GNG7: variants seen among roughly 807,000 people sequenced by gnomAD.
GNG7 encodes the protein guanine nucleotide-binding protein G(I)/G(S)/G(O) subunit gamma-7.
GNG7 carries 1 observed loss-of-function variant against 4.0 expected under a neutral mutation model. The observed-to-expected ratio is 0.25, with a 90% CI of 0.09 to 1.18. The LOEUF is 1.18. Among genes scored for constraint, GNG7 ranks in the 50% most tolerant of loss-of-function variants. GNG7 has a pLI of 0.50. For synonymous variants in GNG7, 34 were observed against 36.9 expected, an observed-to-expected ratio of 0.92 and a Z score of 0.29; for missense variants, 86 against 91.9, an observed-to-expected ratio of 0.94 and a Z score of 0.26.
In GNG7 at chr19:2,614,131, G is replaced by A. The variant is rs928963089; in HGVS notation, c.-78+32093C>T. Reference sequence around the variant, plus strand: ...CGAGACCACATCCTCACCACCCGGTGAACGGCACTGGGAGCAGACTCAAGA... The same window carrying A: ...CGAGACCACATCCTCACCACCCGGTAAACGGCACTGGGAGCAGACTCAAGA... On this transcript the variant is annotated intron_variant, in intron 2 of 4. Transcript: ENST00000382159. The surrounding 1 kb of genome is among the most constrained non-coding windows in gnomAD (Gnocchi z 6.0). Among the ~76,000 whole-genome samples, 2 of 152,206 alleles carry A rather than the reference G, an allele frequency of 1.3e-5. No individual in the cohort carries two copies. Among genetic ancestry groups the A allele is most frequent in the Non-Finnish European group, 2.9e-5 (2 of 68,030 alleles).
chr19:2,530,421 G>GA (rs1388550103), intron 3 of GNG7, among the ~76,000 whole-genome samples: 1 of 122,834 alleles, frequency 8.1e-6, no homozygotes, highest in South Asian at 2.7e-4. Context: ...TCAAAAAAAA[G>GA]AAAAAAAAGC....
intron 1 of GNG7, among the ~76,000 whole-genome samples, chr19:2,654,444 A>G (rs1167833634): frequency 6.6e-6 from 1 of 151,870 alleles, no homozygotes; most frequent in African/African-American, 2.4e-5. Context: ...ACTCTATGCC[A>G]GGAGCACCCC....
chr19:2,674,946 G>A (rs1983558079), intron 1 of GNG7, among the ~76,000 whole-genome samples: 1 of 152,186 alleles, frequency 6.6e-6, no homozygotes, highest in South Asian at 2.1e-4. Flanking sequence ...AGAAAACAAT[G>A]CTCTTTCGTA....
chr19:2,630,035 A>G (rs62119806), intron 2 of GNG7, among the ~76,000 whole-genome samples: 5 of 151,106 alleles, frequency 3.3e-5, no homozygotes, highest in African/African-American at 1.2e-4. Flanking sequence ...TTTTTTTTTA[A>G]TAAGTGGAGA....
chr19:2,602,451 C>T (rs8107038), intron 2 of GNG7, among the ~76,000 whole-genome samples: 108,864 of 152,098 alleles, frequency 0.72, 39,083 homozygotes, highest in Admixed American at 0.76. Flanking sequence ...ATCCAGCACT[C>T]CCTTCAGGGC....
chr19:2,655,689 AT>A (rs1294877955), intron 1 of GNG7, among the ~76,000 whole-genome samples: 1 of 151,830 alleles, frequency 6.6e-6, no homozygotes, highest in African/African-American at 2.4e-5. Flanking sequence ...ATACAAAAAA[AT>A]TAGCCGGGCG....
intron 2 of GNG7, among the ~76,000 whole-genome samples, chr19:2,619,574 A>G (rs1325903162): frequency 2.0e-5 from 3 of 152,228 alleles, no homozygotes; most frequent in Non-Finnish European, 4.4e-5. Flanking sequence ...ACCATGGAGC[A>G]GGACTCAGCC....
chr19:2,639,481 T>C (rs1982423143), intron 2 of GNG7, among the ~76,000 whole-genome samples: 1 of 31,562 alleles, frequency 3.2e-5, no homozygotes, highest in Admixed American at 2.5e-4. Context: ...CGCCCCTACT[T>C]GCCAGCTTGG....
intron 2 of GNG7, among the ~76,000 whole-genome samples, chr19:2,577,526 C>T (rs946430163): frequency 6.6e-6 from 1 of 151,994 alleles, no homozygotes; most frequent in Admixed American, 6.6e-5. Flanking sequence ...GAGTGTCTTC[C>T]CACAACTCTG....
rs953667774 is a variant in GNG7 at position 2,571,665 on chromosome 19, G to A, written c.-77-16477C>T. 9.1e-5 allele frequency among the ~76,000 whole-genome samples: 12 copies of A among 131,896 alleles called. No individual in the cohort carries two copies. The South Asian group carries it at 1.4e-3, about 16-fold the overall frequency. 86.5% of individuals were successfully genotyped at this position (131,896 alleles called of 152,430 possible). Reference sequence around the variant, plus strand: ...GGCTAGAGTGCAGAGGTGCGGTCTCGGCTCACTGCAACCTCTGCCTCCCGG... The same window carrying A: ...GGCTAGAGTGCAGAGGTGCGGTCTCAGCTCACTGCAACCTCTGCCTCCCGG... On this transcript the variant is annotated intron_variant, in intron 2 of 4. Transcript: ENST00000382159.
intron 1 of GNG7, among the ~76,000 whole-genome samples, chr19:2,658,355 G>GT (rs929239384): frequency 2.0e-5 from 3 of 152,072 alleles, no homozygotes; most frequent in African/African-American, 7.2e-5. Context: ...TTTGTTATTT[G>GT]TTTTTTTACA....
intron 2 of GNG7, among the ~76,000 whole-genome samples, chr19:2,603,060 T>C (rs1981262499): frequency 6.6e-6 from 1 of 151,360 alleles, no homozygotes; most frequent in Non-Finnish European, 1.5e-5. Flanking sequence ...TTTTTCTCTT[T>C]TCTGTTCTGT....
chr19:2,666,457 G>A (rs1230147171), intron 1 of GNG7, among the ~76,000 whole-genome samples: 1 of 152,186 alleles, frequency 6.6e-6, no homozygotes, highest in Non-Finnish European at 1.5e-5. Context: ...ACATAGGTGT[G>A]AGCCACCATG....
chr19:2,519,150 T>C (rs543254144), intron 4 of GNG7, among the ~76,000 whole-genome samples: 26 of 136,978 alleles, frequency 1.9e-4, no homozygotes, highest in African/African-American at 3.0e-4. Context: ...TTGTTTCTTT[T>C]TTTTTTTTTT....
intron 3 of GNG7, among the ~76,000 whole-genome samples, chr19:2,533,612 G>T (rs1293143804): frequency 2.6e-5 from 4 of 152,126 alleles, no homozygotes; most frequent in Non-Finnish European, 4.4e-5. Flanking sequence ...AACAAAAGTT[G>T]CCAGAGGAAA....
chr19:2,528,617 G>T (rs1456973704), intron 3 of GNG7, among the ~76,000 whole-genome samples: 2 of 152,148 alleles, frequency 1.3e-5, no homozygotes, highest in Non-Finnish European at 2.9e-5. Flanking sequence ...TCTTCCCCCA[G>T]ATGTGAGCCC....
intron 2 of GNG7, among the ~76,000 whole-genome samples, chr19:2,559,391 G>A (rs1223910933): frequency 7.4e-6 from 1 of 135,302 alleles, no homozygotes; most frequent in African/African-American, 2.8e-5. Context: ...TCGCTCTGTT[G>A]CCCAGGCTGG....
chr19:2,680,136 C>A (rs1983693691), intron 1 of GNG7, among the ~76,000 whole-genome samples: 1 of 149,852 alleles, frequency 6.7e-6, no homozygotes, highest in African/African-American at 2.5e-5. Context: ...CATAGTAAGA[C>A]CTTGTCTCTT....
At chr19:2,538,095 C>CAAAAT (rs763322180) in intron 3 of GNG7, 2 of 454,776 alleles carry the variant, frequency 4.4e-6, no homozygotes, top group Middle Eastern at 3.4e-4. Context: ...CAAAACAAAA[C>CAAAAT]AAAACAAAAC....
Sources: gnomAD v4.1 joint callset for allele counts (sites outside exome capture counted in the v4.1 genomes callset) on GRCh38, gnomAD v4.1.1 for gene constraint, Gnocchi (gnomAD v3.1) non-coding constraint, MANE v1.5 for transcripts, NCBI Gene and HGNC (gene_info 2026-07-23, HGNC 2026-07-21) for gene names.